PALM2AKAP2: variants seen among roughly 807,000 people sequenced by gnomAD.
PALM2AKAP2 encodes PALM2-AKAP2 fusion protein.
Under a neutral mutation model 71.5 loss-of-function variants are expected in PALM2AKAP2, and 37 were observed. The ratio of observed to expected loss-of-function variants is 0.52; its 90% CI spans 0.40 to 0.68. The LOEUF (loss-of-function observed/expected upper bound fraction) is 0.68, where lower values mean the gene tolerates loss of function less well. PALM2AKAP2 is among the 30% of genes least tolerant of loss of function. The pLI is 0.00. For missense variants in PALM2AKAP2, 1,224 were observed against 1,191.8 expected (o/e 1.03, Z -0.40); for synonymous variants, 468 against 478.8 (o/e 0.98, Z 0.29).
At chr9:109,925,882 A>G (rs1421428579) in intron 5 of PALM2AKAP2, among the ~76,000 whole-genome samples, 1 of 152,112 alleles carries the variant, frequency 6.6e-6, no homozygotes, top group Non-Finnish European at 1.5e-5. Flanking sequence ...TGGAAAGACC[A>G]GATATTGTCT....
chr9:109,990,666 T>C (rs576234691), intron 6 of PALM2AKAP2, among the ~76,000 whole-genome samples: 4 of 152,336 alleles, frequency 2.6e-5, no homozygotes, highest in South Asian at 4.1e-4. Flanking sequence ...TCTGGCTAGG[T>C]TGAACAAAGG....
At chr9:109,869,201 A>G (rs1443319252) in intron 2 of PALM2AKAP2, among the ~76,000 whole-genome samples, 1 of 152,088 alleles carries the variant, frequency 6.6e-6, no homozygotes, top group Admixed American at 6.5e-5. Context: ...CAAAACATCA[A>G]GGGATTTTTT....
chr9:109,737,695 G>A (rs551169565), intron 1 of PALM2AKAP2, among the ~76,000 whole-genome samples: 19 of 152,328 alleles, frequency 1.2e-4, no homozygotes, highest in African/African-American at 4.3e-4. Flanking sequence ...ACAATAACTA[G>A]TTAGCACACA....
At chr9:110,055,460 A>C (rs993251634) in intron 1 of PALM2AKAP2, among the ~76,000 whole-genome samples, 2 of 151,972 alleles carry the variant, frequency 1.3e-5, no homozygotes, top group East Asian at 3.9e-4. Flanking sequence ...CAATCCCAAA[A>C]TGTTGGGATT....
chr9:109,999,071 G>T (rs1832629833), intron 6 of PALM2AKAP2, among the ~76,000 whole-genome samples: 1 of 152,140 alleles, frequency 6.6e-6, no homozygotes, highest in South Asian at 2.1e-4. Context: ...GGGCACGGTG[G>T]CTCACGCCTG....
chr9:110,112,982 G>A (rs1260513175), intron 1 of PALM2AKAP2, among the ~76,000 whole-genome samples: 1 of 152,208 alleles, frequency 6.6e-6, no homozygotes, highest in African/African-American at 2.4e-5. Context: ...ATGCCTTTGA[G>A]GACTCTCGGG....
intron 2 of PALM2AKAP2, among the ~76,000 whole-genome samples, chr9:110,151,753 A>T (rs1836320261): frequency 1.3e-5 from 2 of 151,304 alleles, no homozygotes; most frequent in Non-Finnish European, 2.9e-5. Flanking sequence ...CCTATCCTCC[A>T]CTCGGAATTT....
chr9:110,010,306 C>G (rs1832856524), intron 6 of PALM2AKAP2, among the ~76,000 whole-genome samples: 1 of 151,786 alleles, frequency 6.6e-6, no homozygotes, highest in African/African-American at 2.4e-5. Flanking sequence ...AATGTAATTT[C>G]TCTTCTCAAA....
exon 1 of PALM2AKAP2, chr9:109,640,807 A>G: frequency 6.7e-7 from 1 of 1,501,458 alleles, no homozygotes; most frequent in Non-Finnish European, 8.8e-7. Context: ...GCTCCGGGAG[A>G]GGCGAGCAGC....
chr9:109,697,093 T>C (rs1308650424), intron 1 of PALM2AKAP2, among the ~76,000 whole-genome samples: 2 of 152,130 alleles, frequency 1.3e-5, no homozygotes, highest in Non-Finnish European at 2.9e-5. Context: ...CCTTAGGTTG[T>C]GCTTCTAGAG....
chr9:110,156,849 T>C (rs1173575621), intron 3 of PALM2AKAP2, among the ~76,000 whole-genome samples: 3 of 152,174 alleles, frequency 2.0e-5, no homozygotes, highest in Non-Finnish European at 4.4e-5. Flanking sequence ...ACCTGGGAGC[T>C]GATTTCTACC....
chr9:109,892,914 G>T (rs560933223), intron 3 of PALM2AKAP2, among the ~76,000 whole-genome samples: 2 of 152,208 alleles, frequency 1.3e-5, no homozygotes, highest in African/African-American at 4.8e-5. Flanking sequence ...AAAAATAAAA[G>T]AATGATATGA....
intron 1 of PALM2AKAP2, among the ~76,000 whole-genome samples, chr9:109,660,321 T>G (rs185955937): frequency 6.6e-6 from 1 of 152,268 alleles, no homozygotes; most frequent in East Asian, 1.9e-4. Flanking sequence ...ACATTAGGTA[T>G]TTCTCCTAAT....
At chr9:109,721,897 A>G (rs1828411100) in intron 1 of PALM2AKAP2, among the ~76,000 whole-genome samples, 1 of 152,214 alleles carries the variant, frequency 6.6e-6, no homozygotes, top group Non-Finnish European at 1.5e-5. Context: ...AAATAATTAT[A>G]TATGAATTAG....
At chr9:109,901,999 A>G (rs1830341424) in intron 3 of PALM2AKAP2, among the ~76,000 whole-genome samples, 1 of 152,096 alleles carries the variant, frequency 6.6e-6, no homozygotes, top group Admixed American at 6.5e-5. Flanking sequence ...TATCAGCAAT[A>G]TCTTGGATCT....
At chr9:109,985,535 G>T (rs181725057) in intron 6 of PALM2AKAP2, among the ~76,000 whole-genome samples, 122 of 151,020 alleles carry the variant, frequency 8.1e-4, no homozygotes, top group African/African-American at 2.8e-3. Context: ...CAGGAGAATG[G>T]CGTGAACCTG....
chr9:110,150,140 C>T (rs1050652238), intron 2 of PALM2AKAP2, among the ~76,000 whole-genome samples: 1 of 152,226 alleles, frequency 6.6e-6, no homozygotes, highest in Non-Finnish European at 1.5e-5. Context: ...GCTTCTCTCC[C>T]CACCATGTGT....
chr9:109,842,837 A>G (rs1828737786), intron 1 of PALM2AKAP2, among the ~76,000 whole-genome samples: 1 of 151,904 alleles, frequency 6.6e-6, no homozygotes, highest in Admixed American at 6.6e-5. Flanking sequence ...CAATATAGTG[A>G]GATTCCATCT....
At chr9:110,007,242 G>T (rs1832801836) in intron 6 of PALM2AKAP2, among the ~76,000 whole-genome samples, 1 of 152,132 alleles carries the variant, frequency 6.6e-6, no homozygotes, top group Non-Finnish European at 1.5e-5. Flanking sequence ...GCCACCTCTG[G>T]TGCCATACTA....
Sources: gnomAD v4.1 joint callset for allele counts (sites outside exome capture counted in the v4.1 genomes callset) on GRCh38, gnomAD v4.1.1 for gene constraint, MANE v1.5 for transcripts, NCBI Gene and HGNC (gene_info 2026-07-23, HGNC 2026-07-21) for gene names.